BASP1: variants seen among roughly 807,000 people sequenced by gnomAD.
BASP1 encodes the protein brain acid soluble protein 1.
In BASP1, 1 loss-of-function variant was observed where a neutral mutation model predicts 2.2. That is an observed-to-expected ratio of 0.46 (90% CI 0.16 to 2.17). The LOEUF is 2.17. Among genes scored for constraint, BASP1 ranks in the 30% most tolerant of loss-of-function variants. BASP1 has a pLI of 0.27. For missense variants in BASP1, 352 were observed against 327.2 expected, an observed-to-expected ratio of 1.08 and a Z score of -0.58; for synonymous variants, 187 against 154.2, an observed-to-expected ratio of 1.21 and a Z score of -1.58.
chr5:17,256,780 G>A (rs1008796608), intron 1 of BASP1, among the ~76,000 whole-genome samples: 9 of 152,150 alleles, frequency 5.9e-5, no homozygotes, highest in African/African-American at 9.7e-5. Context: ...AAAAATACTG[G>A]TGGCTGACTT....
In BASP1 at chr5:17,232,228, T is replaced by A. The variant is rs191389857; in HGVS notation, c.-10+14418T>A. On this transcript the variant is annotated intron_variant, in intron 1 of 1. Coordinates refer to ENST00000322611, the MANE Select transcript of BASP1 (RefSeq NM_006317.5). ...GGAACCTTTCAGAAACACAACACGA[T>A]GAGTGAAAGCTGAGGATGATTGTGG... is the stretch of plus-strand genomic sequence containing the variant. Among the ~76,000 whole-genome samples the A allele has an allele frequency of 2.0e-5, 3 of 152,322 alleles. No individual in the cohort carries two copies. In the East Asian group the frequency reaches 5.8e-4, roughly 29 times the overall value.
intron 1 of BASP1, among the ~76,000 whole-genome samples, chr5:17,250,308 C>T (rs576856751): frequency 6.6e-5 from 10 of 152,312 alleles, no homozygotes; most frequent in African/African-American, 2.2e-4. Flanking sequence ...CTTTACAAAA[C>T]TTTGCACTTC....
chr5:17,218,425 G>A (rs1211166678), intron 1 of BASP1, among the ~76,000 whole-genome samples: 1 of 152,180 alleles, frequency 6.6e-6, no homozygotes, highest in African/African-American at 2.4e-5. Context: ...GGAATACGAG[G>A]TTCACACGGC....
At chr5:17,273,947 G>GT (rs1740578321) in intron 1 of BASP1, among the ~76,000 whole-genome samples, 1 of 152,182 alleles carries the variant, frequency 6.6e-6, no homozygotes, top group Admixed American at 6.5e-5. Flanking sequence ...TCACTGATGT[G>GT]TGGTGACAGA....
rs893099234 is a variant in BASP1 at position 17,259,879 on chromosome 5, G to A, written c.-9-15329G>A. Among the ~76,000 whole-genome samples, 3 of 152,160 alleles carry A rather than the reference G, an allele frequency of 2.0e-5. No homozygotes were observed. The East Asian group carries it at 5.8e-4, about 29-fold the overall frequency. On this transcript the variant is annotated intron_variant, in intron 1 of 1. Transcript: ENST00000322611. ...CAGAAATATCTCAGCTGCTCTAAGTGTTTTCCTTGTGCCTTATTTTGAGCT... is the reference window on the plus strand; with the variant it reads ...CAGAAATATCTCAGCTGCTCTAAGTATTTTCCTTGTGCCTTATTTTGAGCT...
intron 1 of BASP1, among the ~76,000 whole-genome samples, chr5:17,224,261 A>G (rs1739448628): frequency 6.6e-6 from 1 of 152,198 alleles, no homozygotes. Context: ...AGGTTTTTGT[A>G]TCTTACGGAT....
At chr5:17,228,548 C>T (rs1739564752) in intron 1 of BASP1, among the ~76,000 whole-genome samples, 1 of 152,188 alleles carries the variant, frequency 6.6e-6, no homozygotes, top group African/African-American at 2.4e-5. Context: ...CCACCTCACC[C>T]CAAACCCGTG....
In BASP1 at chr5:17,249,761, T is replaced by C. The variant is rs1298311901; in HGVS notation, c.-9-25447T>C. 5.3e-5 allele frequency among the ~76,000 whole-genome samples: 8 copies of C among 152,192 alleles called. No individual in the cohort carries two copies. The South Asian group carries it at 1.7e-3, about 31-fold the overall frequency. The stretch of plus-strand genomic sequence containing the variant: ...GTAACGTTTATCTATCTTTGCATCT[T>C]CCGACTTTATTAATTTTTCTTCAAC... On this transcript the variant is annotated intron_variant, in intron 1 of 1. Coordinates refer to ENST00000322611, the MANE Select transcript of BASP1 (RefSeq NM_006317.5).
At position 17,246,148 on chromosome 5, in the gene BASP1, G is replaced by C. The variant is rs563708900; in HGVS notation, c.-10+28338G>C. On this transcript the variant is annotated intron_variant, in intron 1 of 1. Coordinates refer to ENST00000322611, the MANE Select transcript of BASP1 (RefSeq NM_006317.5). Reference sequence around the variant, plus strand: ...GTGGGATGGGCTTGGCCTCTTTAAAGGACAGTTGAGACTCTCTTGACAAGA... The same window carrying C: ...GTGGGATGGGCTTGGCCTCTTTAAACGACAGTTGAGACTCTCTTGACAAGA... Among the ~76,000 whole-genome samples the C allele has an allele frequency of 1.6e-4, 25 of 152,192 alleles. No individual in the cohort carries two copies. The East Asian group carries it at 4.3e-3, about 26-fold the overall frequency.
At chr5:17,252,051 C>T (rs1740111865) in intron 1 of BASP1, among the ~76,000 whole-genome samples, 1 of 151,970 alleles carries the variant, frequency 6.6e-6, no homozygotes, top group Non-Finnish European at 1.5e-5. Context: ...AGGATGACAG[C>T]CCCTTGAACC....
intron 1 of BASP1, among the ~76,000 whole-genome samples, chr5:17,265,753 A>G (rs1325505994): frequency 2.0e-5 from 3 of 152,210 alleles, no homozygotes; most frequent in Non-Finnish European, 4.4e-5. Context: ...GTTCTCAGAA[A>G]CCTCACATTT....
At chr5:17,243,172 G>A (rs1277218489) in intron 1 of BASP1, among the ~76,000 whole-genome samples, 1 of 151,166 alleles carries the variant, frequency 6.6e-6, no homozygotes, top group African/African-American at 2.4e-5. Flanking sequence ...TTTTTAAGAG[G>A]GAGTCTCATT....
At chr5:17,218,609 G>A (rs1739319398) in intron 1 of BASP1, among the ~76,000 whole-genome samples, 1 of 151,966 alleles carries the variant, frequency 6.6e-6, no homozygotes. Flanking sequence ...CCCGGGCCCG[G>A]GGGGTGTGGG....
At chr5:17,254,307 C>G (rs2126509758) in intron 1 of BASP1, among the ~76,000 whole-genome samples, 1 of 152,184 alleles carries the variant, frequency 6.6e-6, no homozygotes, top group Non-Finnish European at 1.5e-5. Flanking sequence ...TTTTAAAGTG[C>G]CTGTTCCTTT....
chr5:17,225,645 T>C (rs1739485437), intron 1 of BASP1, among the ~76,000 whole-genome samples: 1 of 152,134 alleles, frequency 6.6e-6, no homozygotes, highest in African/African-American at 2.4e-5. Flanking sequence ...TTAGACTTAT[T>C]TGGGGGCTAT....
At chr5:17,261,869 G>A (rs1740321649) in intron 1 of BASP1, among the ~76,000 whole-genome samples, 1 of 152,160 alleles carries the variant, frequency 6.6e-6, no homozygotes, top group African/African-American at 2.4e-5. Context: ...GACCATTGTG[G>A]CTTTCTCTTC....
rs369759807 is a variant in BASP1 at position 17,227,667 on chromosome 5, G to A, written c.-10+9857G>A. Among the ~76,000 whole-genome samples, 46 of 152,260 alleles carry A rather than the reference G, an allele frequency of 3.0e-4. No individual in the cohort carries two copies. In the South Asian group the frequency reaches 8.1e-3, roughly 27 times the overall value. On this transcript the variant is annotated intron_variant, in intron 1 of 1. Transcript: ENST00000322611. ...GATCTGCTCTCCTTGGCCTCCCAAA[G>A]TGCTGGGATTACAGGCGTGAGCCAC...
chr5:17,242,245 T>C (rs1561169454), intron 1 of BASP1, among the ~76,000 whole-genome samples: 1 of 152,176 alleles, frequency 6.6e-6, no homozygotes, highest in Non-Finnish European at 1.5e-5. Context: ...ATGCAAGAAA[T>C]AGTAGAAGTT....
intron 1 of BASP1, among the ~76,000 whole-genome samples, chr5:17,258,788 T>C (rs1028601353): frequency 6.6e-6 from 1 of 152,224 alleles, no homozygotes; most frequent in African/African-American, 2.4e-5. Flanking sequence ...CCTTGGGTGT[T>C]GCCTTGTGGC....
Sources: allele counts gnomAD v4.1 joint callset (sites outside exome capture counted in the v4.1 genomes callset), GRCh38; gene constraint gnomAD v4.1.1; transcripts MANE v1.5; gene names NCBI Gene and HGNC (gene_info 2026-07-23, HGNC 2026-07-21).